STXBP5: variants seen among roughly 807,000 people sequenced by gnomAD.
STXBP5 encodes syntaxin binding protein 5.
STXBP5 carries 50 observed loss-of-function variants against 152.4 expected under a neutral mutation model. The ratio of observed to expected loss-of-function variants is 0.33; its 90% confidence interval spans 0.26 to 0.42. The LOEUF is 0.42. STXBP5 is among the 10% of genes least tolerant of loss of function. The pLI is 1.00. For missense variants in STXBP5, 1,167 were observed against 1,388.6 expected (o/e 0.84, Z 2.54); for synonymous variants, 492 against 494.7 (o/e 0.99, Z 0.07).
At chr6:147,215,214 C>G (rs2115053798) in intron 2 of STXBP5, among the ~76,000 whole-genome samples, 2 of 152,354 alleles carry the variant, frequency 1.3e-5, no homozygotes, top group South Asian at 4.1e-4. Context: ...GTTTTCCAAT[C>G]TCTGCCTTAG....
chr6:147,336,434 G>A (rs1014231841), intron 19 of STXBP5, among the ~76,000 whole-genome samples: 1 of 150,964 alleles, frequency 6.6e-6, no homozygotes, highest in Admixed American at 6.6e-5. Flanking sequence ...ATTCTAATAG[G>A]AAAATAAAGA....
chr6:147,204,795 A>G lies in STXBP5; in HGVS notation c.150+113A>G. 2 of 1,183,022 alleles carry G rather than the reference A, an allele frequency of 1.7e-6. No individual in the cohort carries two copies. The highest frequency in any genetic ancestry group is 3.0e-5 in the East Asian group (1 of 33,616). The allele number at this position is 1,183,022 out of a possible 1,614,324, so 73.3% of individuals were successfully genotyped here. The stretch of plus-strand genomic sequence containing the variant: ...AGGGAAGAGAACGCCAATAATAATA[A>G]TAATAACTCTAATAAAAGGCTCGCT... On this transcript the variant is annotated intron_variant, in intron 1 of 27. Transcript: ENST00000321680. This position sits in a 1 kb window ranked among gnomAD's most constrained non-coding sequence, Gnocchi z 4.3.
At chr6:147,285,449 T>G (rs866412184) in intron 8 of STXBP5, among the ~76,000 whole-genome samples, 1 of 152,092 alleles carries the variant, frequency 6.6e-6, no homozygotes, top group Non-Finnish European at 1.5e-5. Flanking sequence ...TTAAAACATC[T>G]TGGTTGGAAA....
At chr6:147,330,797 C>T (rs1168254836) in intron 18 of STXBP5, among the ~76,000 whole-genome samples, 1 of 152,132 alleles carries the variant, frequency 6.6e-6, no homozygotes, top group East Asian at 1.9e-4. Flanking sequence ...ATACCTAGTT[C>T]AGTTTAATGA....
chr6:147,255,302 G>T (rs188855460), intron 4 of STXBP5, among the ~76,000 whole-genome samples: 308 of 152,286 alleles, frequency 2.0e-3, no homozygotes, highest in African/African-American at 7.1e-3. Context: ...GCTGAGGCGT[G>T]TCGGAGGGTG....
chr6:147,205,371 CATATATATATATAT>C (rs66619063), intron 1 of STXBP5, among the ~76,000 whole-genome samples: 10 of 141,862 alleles, frequency 7.0e-5, no homozygotes, highest in African/African-American at 2.4e-4. Context: ...TAAAAGTGTG[CATATATATATATAT>C]ATATATATAT....
At chr6:147,305,063 A>G (rs1431541552) in intron 9 of STXBP5, among the ~76,000 whole-genome samples, 3 of 152,156 alleles carry the variant, frequency 2.0e-5, no homozygotes, top group African/African-American at 7.2e-5. Flanking sequence ...AGAAGTCTCA[A>G]TTTTTGTGCT....
At chr6:147,227,536 T>A (rs1777781582) in intron 2 of STXBP5, among the ~76,000 whole-genome samples, 1 of 152,144 alleles carries the variant, frequency 6.6e-6, no homozygotes, top group African/African-American at 2.4e-5. Context: ...TCCCCTGTAG[T>A]CTTGTCCCTA....
rs1420734385 is a variant in STXBP5 at position 147,359,171 on chromosome 6, A to G, written c.2393A>G (p.His798Arg). The G allele has an allele frequency of 5.0e-6, 8 of 1,614,070 alleles. No homozygotes were observed. Among genetic ancestry groups the G allele is most frequent in the Admixed American group, 3.3e-5 (2 of 60,006 alleles). The change falls in exon 23 of 28, where the codon CAT becomes CGT. Residue 798 changes from histidine to arginine, a missense_variant. Transcript: ENST00000321680. ...TCCCGAGAAGCGATCTCCGCTCTTC[A>G]TTTCTGTGAAACGTTTACTCGAAAG... ...KESREAISAL[H>R]FCETFTRKTD...
intron 7 of STXBP5, 108 bp from the exon 8 acceptor site, chr6:147,277,973 C>A: frequency 1.0e-6 from 1 of 1,001,150 alleles, no homozygotes; most frequent in Non-Finnish European, 1.4e-6. Context: ...ACATGTTAAC[C>A]TTAGGAAATA....
intron 21 of STXBP5, among the ~76,000 whole-genome samples, chr6:147,344,095 T>C (rs940502572): frequency 6.6e-6 from 1 of 152,194 alleles, no homozygotes; most frequent in Non-Finnish European, 1.5e-5. Flanking sequence ...CTTTTTCTTT[T>C]TTAGAATGAA....
At chr6:147,207,215 AAT>A (rs1036465690) in intron 2 of STXBP5, among the ~76,000 whole-genome samples, 1 of 151,822 alleles carries the variant, frequency 6.6e-6, no homozygotes, top group South Asian at 2.1e-4. Context: ...GATACATACA[AAT>A]ATATATATAT....
At chr6:147,215,764 TTGTGAGAGG>T (rs1562414176) in intron 2 of STXBP5, among the ~76,000 whole-genome samples, 1 of 152,154 alleles carries the variant, frequency 6.6e-6, no homozygotes, top group Non-Finnish European at 1.5e-5. Flanking sequence ...TTTTTAAATC[TTGTGAGAGG>T]TGTGTTATCT....
intron 2 of STXBP5, among the ~76,000 whole-genome samples, chr6:147,213,399 G>C (rs1402302302): frequency 6.7e-6 from 1 of 150,306 alleles, no homozygotes; most frequent in African/African-American, 2.5e-5. Context: ...GACCACAGAT[G>C]TGAGCCACCT....
At chr6:147,357,209 G>A (rs1214678421) in intron 22 of STXBP5, among the ~76,000 whole-genome samples, 1 of 152,052 alleles carries the variant, frequency 6.6e-6, no homozygotes, top group Non-Finnish European at 1.5e-5. Context: ...ATAGGTTGTA[G>A]GAATCAGGAG....
chr6:147,246,213 T>G (rs1212017014), intron 4 of STXBP5, among the ~76,000 whole-genome samples: 2 of 152,182 alleles, frequency 1.3e-5, no homozygotes, highest in African/African-American at 4.8e-5. Context: ...TTAAAGAAGT[T>G]TAAATAGGAG....
Position 147,382,763 on chromosome 6 carries a change from A to T in STXBP5, c.3194-15A>T. ...CATGTTTTGAGTTACTCTTTGATTTATCAAATGTGTTCAGTTGGAGAATCG... is the reference window on the plus strand; with the variant it reads ...CATGTTTTGAGTTACTCTTTGATTTTTCAAATGTGTTCAGTTGGAGAATCG... On this transcript the variant is annotated splice_polypyrimidine_tract_variant and intron_variant, in intron 26 of 27. Coordinates refer to ENST00000321680, the MANE Select transcript of STXBP5 (RefSeq NM_001127715.4). 6.2e-7 allele frequency: 1 copy of T among 1,611,852 alleles called. No homozygotes were observed.
intron 7 of STXBP5, among the ~76,000 whole-genome samples, chr6:147,273,767 G>T (rs545227184): frequency 1.6e-4 from 24 of 152,028 alleles, no homozygotes; most frequent in African/African-American, 2.9e-4. Flanking sequence ...CTGGGTAACA[G>T]GGTGAAACCC....
At position 147,225,677 on chromosome 6, in the gene STXBP5, G is replaced by A. The variant is rs573765061; in HGVS notation, c.249-9573G>A. On this transcript the variant is annotated intron_variant, in intron 2 of 27. Transcript: ENST00000321680. Reference sequence around the variant, plus strand: ...ATAATACACAGTGGTAGTGACGGTAGTGAAAACTTGCCCAGGAGCGATACT... The same window carrying A: ...ATAATACACAGTGGTAGTGACGGTAATGAAAACTTGCCCAGGAGCGATACT... Among the ~76,000 whole-genome samples, 6 of 152,330 alleles carry A rather than the reference G, an allele frequency of 3.9e-5. No individual in the cohort carries two copies. The South Asian group carries it at 1.2e-3, about 32-fold the overall frequency.
Sources: allele counts gnomAD v4.1 joint callset (sites outside exome capture counted in the v4.1 genomes callset), GRCh38; gene constraint gnomAD v4.1.1; non-coding constraint Gnocchi (gnomAD v3.1); transcripts MANE v1.5; gene names NCBI Gene and HGNC (gene_info 2026-07-23, HGNC 2026-07-21).